SLCO5A1: variants seen among roughly 807,000 people sequenced by gnomAD.
SLCO5A1 encodes organic anion transporter polypeptide-related protein 4.
In SLCO5A1, 39 loss-of-function variants were observed where a neutral mutation model predicts 65.1. The observed-to-expected ratio is 0.60, with a 90% CI of 0.46 to 0.78. The LOEUF is 0.78. Among genes scored for constraint, SLCO5A1 ranks in the 30% least tolerant of loss-of-function variants. The pLI, the probability that SLCO5A1 is intolerant of heterozygous loss-of-function variation, is 0.00. For missense variants in SLCO5A1, 1,029 were observed against 1,069.4 expected (o/e 0.96, Z 0.53); for synonymous variants, 438 against 415.7 (o/e 1.05, Z -0.65).
At chr8:69,778,222 G>A (rs1036585600) in intron 2 of SLCO5A1, among the ~76,000 whole-genome samples, 17 of 146,674 alleles carry the variant, frequency 1.2e-4, no homozygotes, top group Admixed American at 2.7e-4. Flanking sequence ...TTACATATAT[G>A]TATGGGGTGT....
chr8:69,713,839 C>G (rs578253960), intron 5 of SLCO5A1: 15 of 152,312 alleles, frequency 9.8e-5, no homozygotes, highest in South Asian at 2.1e-4. Context: ...TTTTCTAAAG[C>G]CTAAGCTTCT....
At chr8:69,779,023 T>G (rs1292751758) in intron 2 of SLCO5A1, among the ~76,000 whole-genome samples, 1 of 152,224 alleles carries the variant, frequency 6.6e-6, no homozygotes, top group Non-Finnish European at 1.5e-5. Context: ...TTCATTTATG[T>G]ATAGTGTATG....
chr8:69,690,052 C>A (rs571171864), intron 6 of SLCO5A1, among the ~76,000 whole-genome samples: 3 of 151,882 alleles, frequency 2.0e-5, no homozygotes, highest in Non-Finnish European at 2.9e-5. Context: ...TTTGCGGGTA[C>A]GGGGGGGCGC....
In SLCO5A1 at chr8:69,832,291, C is replaced by G. The variant is rs986356925; in HGVS notation, c.383G>C (p.Arg128Pro). The change falls in exon 2 of 10, where the codon CGT becomes CCT. Residue 128 changes from arginine to proline, a missense_variant. By Grantham distance (103) the Arg-to-Pro change is moderately radical (BLOSUM62 -2). Transcript: ENST00000260126. This position sits in a 1 kb window ranked among gnomAD's most constrained non-coding sequence, Gnocchi z 4.5. ...RCLYVVLTDS[R>P]CFLVCMCFLT... Reference sequence around the variant, plus strand: ...AAAGCACATGCACACCAGGAAGCAACGGGAATCCGTGAGGACCACGTAGAG... The same window carrying G: ...AAAGCACATGCACACCAGGAAGCAAGGGGAATCCGTGAGGACCACGTAGAG... The G allele has an allele frequency of 1.9e-6, 3 of 1,614,162 alleles. No homozygotes were observed. Among genetic ancestry groups the G allele is most frequent in the Admixed American group, 1.7e-5 (1 of 60,028 alleles).
chr8:69,832,747 G>A lies in SLCO5A1; in HGVS notation c.-74C>T. Reference sequence around the variant, plus strand: ...CACGTTTCATCCACCGGCACGAGGGGCCGAAGCCGGGCCCAGTCAGTCTTG... The same window carrying A: ...CACGTTTCATCCACCGGCACGAGGGACCGAAGCCGGGCCCAGTCAGTCTTG... On this transcript the variant is annotated 5_prime_UTR_variant, in exon 2 of 10. Transcript: ENST00000260126. The surrounding 1 kb of genome is among the most constrained non-coding windows in gnomAD (Gnocchi z 4.5). 2.7e-6 allele frequency: 4 copies of A among 1,490,760 alleles called. No individual in the cohort carries two copies. The South Asian group carries it at 5.2e-5, about 20-fold the overall frequency. The allele number at this position is 1,490,760 out of a possible 1,614,324, so 92.3% of individuals were successfully genotyped here.
intron 4 of SLCO5A1, among the ~76,000 whole-genome samples, chr8:69,740,750 G>A (rs1816758504): frequency 6.6e-6 from 1 of 152,166 alleles, no homozygotes; most frequent in African/African-American, 2.4e-5. Context: ...AAGCAAAAAT[G>A]TGCTCATGGA....
At position 69,826,466 on chromosome 8, in the gene SLCO5A1, C is replaced by T. The variant is rs1469830818; in HGVS notation, c.907+5301G>A. On this transcript the variant is annotated intron_variant, in intron 2 of 9. Coordinates refer to ENST00000260126, the MANE Select transcript of SLCO5A1 (RefSeq NM_030958.3). ...ACAAACAACCCCATCAAAAAGTGGG[C>T]AAAGGATATGAACAGACACTTCTCA... Among the ~76,000 whole-genome samples the T allele has an allele frequency of 1.7e-4, 26 of 152,128 alleles. No individual in the cohort carries two copies. In the East Asian group the frequency reaches 4.6e-3, roughly 27 times the overall value.
Position 69,785,643 on chromosome 8 carries a change from T to C in SLCO5A1, c.908-23768A>G, listed in dbSNP as rs144918643. Among the ~76,000 whole-genome samples the C allele has an allele frequency of 6.9e-3, 1,058 of 152,286 alleles. 24 individuals are homozygous for C. The highest frequency in any genetic ancestry group is 0.068 in the South Asian group (329 of 4,828). On this transcript the variant is annotated intron_variant, in intron 2 of 9. Transcript: ENST00000260126. Reference sequence around the variant, plus strand: ...TGAAATAGTAAGAAATGTACCCAAGTCACAAAACTAGTAAGCAGTAGATTC... The same window carrying C: ...TGAAATAGTAAGAAATGTACCCAAGCCACAAAACTAGTAAGCAGTAGATTC...
chr8:69,761,196 C>G (rs1817756373), intron 3 of SLCO5A1, among the ~76,000 whole-genome samples: 2 of 152,216 alleles, frequency 1.3e-5, no homozygotes, highest in African/African-American at 2.4e-5. Context: ...TCTGTATAAG[C>G]TCTCTGCTAT....
At chr8:69,724,095 A>G (rs1815958463) in intron 5 of SLCO5A1, among the ~76,000 whole-genome samples, 1 of 152,214 alleles carries the variant, frequency 6.6e-6, no homozygotes, top group Non-Finnish European at 1.5e-5. Context: ...TAGTAACAGC[A>G]GTATATGCCA....
intron 2 of SLCO5A1, among the ~76,000 whole-genome samples, chr8:69,766,952 C>A (rs1198497320): frequency 6.6e-6 from 1 of 152,204 alleles, no homozygotes; most frequent in East Asian, 1.9e-4. Context: ...CAGTAGATGT[C>A]ATGATGAAAC....
At chr8:69,773,005 G>T (rs184869418) in intron 2 of SLCO5A1, 6 of 980,038 alleles carry the variant, frequency 6.1e-6, no homozygotes, top group Admixed American at 1.2e-4. Flanking sequence ...GTTATAATTA[G>T]TTGGGGAGGG....
chr8:69,793,819 T>C (rs1935628417), intron 2 of SLCO5A1, among the ~76,000 whole-genome samples: 1 of 149,230 alleles, frequency 6.7e-6, no homozygotes, highest in Non-Finnish European at 1.5e-5. Flanking sequence ...ATAAATAAAA[T>C]AAAATTTTTA....
rs190286865 is a variant in SLCO5A1, at chr8:69,827,546, T to C, written c.907+4221A>G. Among the ~76,000 whole-genome samples the C allele has an allele frequency of 3.1e-3, 479 of 152,358 alleles. 5 individuals carry two copies. The highest frequency in any genetic ancestry group is 0.011 in the African/African-American group (459 of 41,592). On this transcript the variant is annotated intron_variant, in intron 2 of 9. Transcript: ENST00000260126. ...GATATACAATTACATTCCATTTCAA[T>C]GGTTTTTACGTTGCTGCAGATATTT...
chr8:69,800,245 ATTTTTT>A (rs749384852), intron 2 of SLCO5A1, among the ~76,000 whole-genome samples: 4 of 81,298 alleles, frequency 4.9e-5, no homozygotes, highest in Non-Finnish European at 6.7e-5. Flanking sequence ...AGACGCTTGA[ATTTTTT>A]TTTTTTTTTT....
chr8:69,738,406 C>A (rs1816658019), intron 4 of SLCO5A1, among the ~76,000 whole-genome samples: 1 of 150,460 alleles, frequency 6.6e-6, no homozygotes. Context: ...TAACTTTCAA[C>A]CAGGATATGG....
Position 69,828,408 on chromosome 8 carries a change from C to T in SLCO5A1, c.907+3359G>A, listed in dbSNP as rs1821015030. ...ACGAGGTCAGGAGATTGAGACCATC[C>T]TGGCTAACATGGTGAAACCCTGTCT... On this transcript the variant is annotated intron_variant, in intron 2 of 9. Transcript: ENST00000260126. Among the ~76,000 whole-genome samples the T allele has an allele frequency of 3.3e-5, 5 of 152,166 alleles. No individual in the cohort carries two copies. In the South Asian group the frequency reaches 1.0e-3, roughly 32 times the overall value.
intron 4 of SLCO5A1, among the ~76,000 whole-genome samples, chr8:69,749,909 G>A (rs1459708825): frequency 2.0e-5 from 3 of 152,098 alleles, no homozygotes; most frequent in African/African-American, 7.2e-5. Context: ...TTTTTAACAG[G>A]GTGGCTAAGG....
At chr8:69,721,114 T>A (rs1190373965) in intron 5 of SLCO5A1, among the ~76,000 whole-genome samples, 1 of 152,202 alleles carries the variant, frequency 6.6e-6, no homozygotes, top group Non-Finnish European at 1.5e-5. Context: ...TAAGCAAAAG[T>A]AGTACATCCA....
Sources: gnomAD v4.1 joint callset for allele counts (sites outside exome capture counted in the v4.1 genomes callset) on GRCh38, gnomAD v4.1.1 for gene constraint, Gnocchi (gnomAD v3.1) non-coding constraint, MANE v1.5 for transcripts, NCBI Gene and HGNC (gene_info 2026-07-23, HGNC 2026-07-21) for gene names.